Variants in KCNMA1 observed in about 807,000 individuals in gnomAD.
KCNMA1 encodes potassium calcium-activated channel subfamily M alpha 1, also known as Calcium-activated potassium channel subunit alpha-1.
Under a neutral mutation model 140.0 loss-of-function variants are expected in KCNMA1, and 29 were observed. That is an observed-to-expected ratio of 0.21 (90% CI 0.15 to 0.28). The LOEUF is 0.28. Among genes scored for constraint, KCNMA1 ranks in the 10% least tolerant of loss-of-function variants. KCNMA1 has a pLI of 1.00. For missense variants in KCNMA1, 880 were observed against 1,602.2 expected, an observed-to-expected ratio of 0.55 and a Z score of 7.70; for synonymous variants, 612 against 611.9, an observed-to-expected ratio of 1.00 and a Z score of 0.00.
Position 77,220,938 on chromosome 10 carries a change from G to A in KCNMA1, c.602+30257C>T, listed in dbSNP as rs956154552. ...GGGGAACTCAATAAAATTATCAATC[G>A]CTAGCCCCCACAGGTCTTAATAGAG... On this transcript the variant is annotated intron_variant, in intron 3 of 27. Coordinates refer to ENST00000286628, the MANE Select transcript of KCNMA1 (RefSeq NM_001161352.2). Among the ~76,000 whole-genome samples, 6 of 152,062 alleles carry A rather than the reference G, an allele frequency of 3.9e-5. No homozygotes were observed. The East Asian group carries it at 7.7e-4, about 20-fold the overall frequency.
chr10:76,928,289 GCA>G (rs763783104), intron 23 of KCNMA1, among the ~76,000 whole-genome samples: 25 of 73,342 alleles, frequency 3.4e-4, no homozygotes, highest in African/African-American at 7.5e-4. Context: ...ACACGCGCGC[GCA>G]CACACACACA....
At position 77,544,150 on chromosome 10, in the gene KCNMA1, C is replaced by CTCTGTGTGTGTGTGTG. The variant is rs1555434748; in HGVS notation, c.378+93114_378+93115insCACACACACACACAGA. Reference sequence around the variant, plus strand: ...ATCTGTGATCTACATATCTTTCCAGCTGTGTGTGTGTGTGTGTGTGTGTGT... The same window carrying CTCTGTGTGTGTGTGTG: ...ATCTGTGATCTACATATCTTTCCAGCTCTGTGTGTGTGTGTGTGTGTGTGTGTGTGTGTGTGTGTGT... On this transcript the variant is annotated intron_variant, in intron 1 of 27. Transcript: ENST00000286628. Among the ~76,000 whole-genome samples, 101 of 142,556 alleles carry CTCTGTGTGTGTGTGTG rather than the reference C, an allele frequency of 7.1e-4. 4 individuals are homozygous for CTCTGTGTGTGTGTGTG. The East Asian group carries it at 0.013, about 18-fold the overall frequency. 93.5% of individuals were successfully genotyped at this position (142,556 alleles called of 152,430 possible). A position where few individuals can be genotyped will look rare whatever the true frequency, so the allele number is the denominator to read the frequency against.
At chr10:77,038,048 TTAA>T (rs1484350461) in intron 15 of KCNMA1, among the ~76,000 whole-genome samples, 2 of 152,198 alleles carry the variant, frequency 1.3e-5, no homozygotes, top group African/African-American at 4.8e-5. Flanking sequence ...CCATTTAGCA[TTAA>T]AACTTTCGCT....
At chr10:77,221,585 C>T (rs73282113) in intron 3 of KCNMA1, among the ~76,000 whole-genome samples, 2,977 of 152,084 alleles carry the variant, frequency 0.02, 99 homozygotes, top group African/African-American at 0.068. Context: ...GGATGGATAC[C>T]CCATTCTCCA....
intron 10 of KCNMA1, among the ~76,000 whole-genome samples, chr10:77,088,085 A>C (rs2096733718): frequency 1.3e-5 from 2 of 152,148 alleles, no homozygotes; most frequent in Non-Finnish European, 2.9e-5. Flanking sequence ...CTCAGCCTTC[A>C]GAGTAGCTGG....
intron 19 of KCNMA1, among the ~76,000 whole-genome samples, chr10:76,981,419 GAA>G (rs1167277173): frequency 1.3e-5 from 2 of 152,182 alleles, no homozygotes; most frequent in African/African-American, 4.8e-5. Flanking sequence ...AAGAACAAAT[GAA>G]AGACAGATGG....
At chr10:77,502,381 T>C (rs1329596308) in intron 1 of KCNMA1, among the ~76,000 whole-genome samples, 1 of 152,216 alleles carries the variant, frequency 6.6e-6, no homozygotes, top group Non-Finnish European at 1.5e-5. Context: ...TGAATCCACC[T>C]GCCTCTGGAT....
chr10:77,514,370 G>T (rs2049542569), intron 1 of KCNMA1, among the ~76,000 whole-genome samples: 1 of 152,222 alleles, frequency 6.6e-6, no homozygotes. Flanking sequence ...TCCCCAGGTG[G>T]TCATCTGGCA....
At chr10:77,567,224 T>C (rs2068662132) in intron 1 of KCNMA1, among the ~76,000 whole-genome samples, 1 of 152,206 alleles carries the variant, frequency 6.6e-6, no homozygotes, top group Admixed American at 6.5e-5. Context: ...ATTAGATTAA[T>C]TGGAATTTGC....
chr10:77,385,753 G>A (rs149009605), intron 2 of KCNMA1, among the ~76,000 whole-genome samples: 281 of 152,302 alleles, frequency 1.8e-3, no homozygotes, highest in African/African-American at 6.3e-3. Flanking sequence ...TAGGGGCCCT[G>A]ACCATTTGCT....
intron 1 of KCNMA1, among the ~76,000 whole-genome samples, chr10:77,562,465 A>T (rs2066711612): frequency 6.6e-6 from 1 of 152,230 alleles, no homozygotes; most frequent in Non-Finnish European, 1.5e-5. Context: ...ATACCTTAAT[A>T]ATATTGAACT....
intron 25 of KCNMA1, chr10:76,902,481 C>T (rs1013540867): frequency 4.6e-5 from 7 of 152,198 alleles, no homozygotes; most frequent in Admixed American, 3.9e-4. Context: ...GAGACCTTCT[C>T]AATATCTATC....
intron 1 of KCNMA1, among the ~76,000 whole-genome samples, chr10:77,464,178 T>C (rs1277574600): frequency 6.6e-6 from 1 of 152,212 alleles, no homozygotes; most frequent in Non-Finnish European, 1.5e-5. Flanking sequence ...TTGACCTCTC[T>C]GGGTGCTAGA....
rs771348287 is a variant in KCNMA1, at chr10:77,086,444, A to G, written c.1440+44T>C. The G allele has an allele frequency of 2.4e-5, 35 of 1,451,756 alleles. No homozygotes were observed. The Admixed American group carries it at 5.7e-4, about 24-fold the overall frequency. The allele number at this position is 1,451,756 out of a possible 1,614,324, so 89.9% of individuals were successfully genotyped here. A position where few individuals can be genotyped will look rare whatever the true frequency, so the allele number is the denominator to read the frequency against. Reference sequence around the variant, plus strand: ...CAGAGTCAGGACTCCCCCCAGACCCACACCAAGATGGAATAAAAGCAGAAG... The same window carrying G: ...CAGAGTCAGGACTCCCCCCAGACCCGCACCAAGATGGAATAAAAGCAGAAG... On this transcript the variant is annotated intron_variant, in intron 11 of 27. Transcript: ENST00000286628.
At chr10:77,458,500 T>C (rs116483390) in intron 1 of KCNMA1, among the ~76,000 whole-genome samples, 23 of 152,336 alleles carry the variant, frequency 1.5e-4, no homozygotes, top group African/African-American at 5.0e-4. Flanking sequence ...CTCCCTGTTA[T>C]GGTGGGGTTC....
At chr10:77,285,023 T>C (rs1324273381) in intron 2 of KCNMA1, among the ~76,000 whole-genome samples, 1 of 152,222 alleles carries the variant, frequency 6.6e-6, no homozygotes, top group Admixed American at 6.5e-5. Flanking sequence ...AGTGATCTCA[T>C]TTATCATGAA....
chr10:77,637,018 A>C (rs1193568737), intron 1 of KCNMA1: 1 of 1,409,980 alleles, frequency 7.1e-7, no homozygotes, highest in Admixed American at 3.2e-5. Flanking sequence ...TACAATAAAC[A>C]AGAGGACAGG....
intron 5 of KCNMA1, among the ~76,000 whole-genome samples, chr10:77,124,230 C>A (rs1325706816): frequency 6.6e-6 from 1 of 152,186 alleles, no homozygotes; most frequent in East Asian, 1.9e-4. Flanking sequence ...GAACTTCAAA[C>A]TGGATTTCTT....
At chr10:77,425,559 C>A (rs1159721383) in intron 1 of KCNMA1, among the ~76,000 whole-genome samples, 1 of 152,106 alleles carries the variant, frequency 6.6e-6, no homozygotes, top group Admixed American at 6.6e-5. Context: ...CAGTCAACCA[C>A]CAATCATCCC....
Sources: gnomAD v4.1 joint callset for allele counts (sites outside exome capture counted in the v4.1 genomes callset) on GRCh38, gnomAD v4.1.1 for gene constraint, MANE v1.5 for transcripts, NCBI Gene and HGNC (gene_info 2026-07-23, HGNC 2026-07-21) for gene names.